Variants in CNTNAP2 observed in about 807,000 individuals in gnomAD.
The protein encoded by CNTNAP2 is contactin associated protein 2.
A neutral mutation model predicts 155.2 loss-of-function variants in CNTNAP2; 98 were observed. The ratio of observed to expected loss-of-function variants is 0.63; its 90% confidence interval spans 0.54 to 0.75. CNTNAP2 has a LOEUF of 0.75. CNTNAP2 is among the 30% of genes least tolerant of loss of function. The pLI is 0.00. For synonymous variants in CNTNAP2, 651 were observed against 631.2 expected, an observed-to-expected ratio of 1.03 and a Z score of -0.47; for missense variants, 1,727 against 1,688.1, an observed-to-expected ratio of 1.02 and a Z score of -0.40.
At chr7:146,982,421 A>G (rs1798035785) in intron 3 of CNTNAP2, among the ~76,000 whole-genome samples, 1 of 152,192 alleles carries the variant, frequency 6.6e-6, no homozygotes, top group Non-Finnish European at 1.5e-5. Flanking sequence ...ATGAAGCTAT[A>G]GGAAATTATC....
At chr7:148,301,292 T>TAAAAAAAAA (rs1191956788) in intron 21 of CNTNAP2, among the ~76,000 whole-genome samples, 1 of 118,782 alleles carries the variant, frequency 8.4e-6, no homozygotes, top group African/African-American at 3.5e-5. Flanking sequence ...AGACTCCGTC[T>TAAAAAAAAA]AAAAAAAAAA....
intron 14 of CNTNAP2, among the ~76,000 whole-genome samples, chr7:147,976,665 A>G (rs1212833088): frequency 6.6e-6 from 1 of 152,188 alleles, no homozygotes; most frequent in Non-Finnish European, 1.5e-5. Flanking sequence ...TGAGGAAACA[A>G]ATATTCACTG....
In CNTNAP2 at chr7:147,039,588, G is replaced by T. The variant is rs747457569; in HGVS notation, c.403-4319G>T. On this transcript the variant is annotated intron_variant, in intron 3 of 23. Transcript: ENST00000361727. ...TAGCACATTTTCTTCATCCAATCTGGGTTGATTCTATGCCTTTGCTATTGT... is the reference window on the plus strand; with the variant it reads ...TAGCACATTTTCTTCATCCAATCTGTGTTGATTCTATGCCTTTGCTATTGT... Among the ~76,000 whole-genome samples, 3 of 152,028 alleles carry T rather than the reference G, an allele frequency of 2.0e-5. No homozygotes were observed. The East Asian group carries it at 5.8e-4, about 29-fold the overall frequency.
At chr7:148,078,632 C>A (rs919329836) in intron 15 of CNTNAP2, among the ~76,000 whole-genome samples, 1 of 152,052 alleles carries the variant, frequency 6.6e-6, no homozygotes, top group African/African-American at 2.4e-5. Flanking sequence ...AGGTGCCCAC[C>A]ACCATGCCCA....
At chr7:148,321,329 G>T (rs1022001687) in intron 21 of CNTNAP2, among the ~76,000 whole-genome samples, 1 of 152,176 alleles carries the variant, frequency 6.6e-6, no homozygotes, top group Non-Finnish European at 1.5e-5. Context: ...CTTCAAAGCA[G>T]CAGGGAAAGG....
intron 9 of CNTNAP2, among the ~76,000 whole-genome samples, chr7:147,372,252 A>T (rs746092791): frequency 1.3e-5 from 2 of 152,138 alleles, no homozygotes; most frequent in Non-Finnish European, 2.9e-5. Flanking sequence ...GGATGCTGAC[A>T]AAGTGAGTCT....
intron 8 of CNTNAP2, among the ~76,000 whole-genome samples, chr7:147,273,002 A>G (rs981837873): frequency 6.6e-6 from 1 of 152,024 alleles, no homozygotes; most frequent in Non-Finnish European, 1.5e-5. Context: ...GTTTTTAGCT[A>G]TTCTTCTTTT....
intron 1 of CNTNAP2, among the ~76,000 whole-genome samples, chr7:146,762,983 T>C (rs987186005): frequency 6.6e-6 from 1 of 152,108 alleles, no homozygotes; most frequent in Non-Finnish European, 1.5e-5. Context: ...GGGACACTGC[T>C]AAACCATATC....
At chr7:146,131,457 A>C (rs949204780) in intron 1 of CNTNAP2, among the ~76,000 whole-genome samples, 1 of 152,214 alleles carries the variant, frequency 6.6e-6, no homozygotes, top group Admixed American at 6.5e-5. Context: ...ATAAGCTGCC[A>C]ACAAGTCCAA....
chr7:147,769,372 T>G (rs961529296), intron 13 of CNTNAP2, among the ~76,000 whole-genome samples: 3 of 151,992 alleles, frequency 2.0e-5, no homozygotes, highest in Non-Finnish European at 4.4e-5. Flanking sequence ...GCAAGGTGTC[T>G]GGAATAACTT....
At chr7:147,344,271 T>G (rs1004391550) in intron 9 of CNTNAP2, among the ~76,000 whole-genome samples, 2 of 152,172 alleles carry the variant, frequency 1.3e-5, no homozygotes, top group Admixed American at 1.3e-4. Context: ...GCTCTGTTAT[T>G]TTAGCAAAAG....
At chr7:146,857,712 A>T (rs1169217911) in intron 3 of CNTNAP2, among the ~76,000 whole-genome samples, 1 of 152,064 alleles carries the variant, frequency 6.6e-6, no homozygotes, top group Admixed American at 6.5e-5. Flanking sequence ...AGCACGTGGA[A>T]TATAAGAAAA....
At chr7:146,599,743 G>GAT (rs1798918842) in intron 1 of CNTNAP2, among the ~76,000 whole-genome samples, 15 of 145,594 alleles carry the variant, frequency 1.0e-4, no homozygotes, top group Non-Finnish European at 1.9e-4. Flanking sequence ...ACGACAGACA[G>GAT]AGATAGATAG....
At chr7:148,025,858 G>A (rs1206467382) in intron 15 of CNTNAP2, among the ~76,000 whole-genome samples, 1 of 152,184 alleles carries the variant, frequency 6.6e-6, no homozygotes, top group African/African-American at 2.4e-5. Flanking sequence ...TTCATAAAGA[G>A]ATGTTTGAAA....
intron 14 of CNTNAP2, among the ~76,000 whole-genome samples, chr7:147,912,167 C>T (rs1450980122): frequency 1.3e-5 from 2 of 152,280 alleles, no homozygotes; most frequent in East Asian, 3.9e-4. Flanking sequence ...TCACAGCTAC[C>T]TCACATGGTA....
intron 13 of CNTNAP2, among the ~76,000 whole-genome samples, chr7:147,718,084 A>G (rs1175815813): frequency 6.6e-6 from 1 of 152,252 alleles, no homozygotes; most frequent in Admixed American, 6.5e-5. Context: ...ATTGCTTGAT[A>G]TAGTATCTGA....
intron 12 of CNTNAP2, among the ~76,000 whole-genome samples, chr7:147,577,221 G>A (rs537150124): frequency 1.3e-3 from 198 of 152,110 alleles, no homozygotes; most frequent in Middle Eastern, 6.8e-3. Context: ...CGTCACTGCT[G>A]CTACTTACTA....
At chr7:146,164,881 TG>T (rs774547788) in intron 1 of CNTNAP2, among the ~76,000 whole-genome samples, 10 of 152,194 alleles carry the variant, frequency 6.6e-5, no homozygotes, top group Non-Finnish European at 1.5e-4. Context: ...ATCTTTCAGG[TG>T]GGACCAGTCT....
intron 15 of CNTNAP2, among the ~76,000 whole-genome samples, chr7:148,106,229 T>C (rs1326101690): frequency 6.6e-6 from 1 of 152,116 alleles, no homozygotes; most frequent in Non-Finnish European, 1.5e-5. Context: ...TAGAGTTAGA[T>C]CTCTACTATG....
Sources: gnomAD v4.1 joint callset for allele counts (sites outside exome capture counted in the v4.1 genomes callset) on GRCh38, gnomAD v4.1.1 for gene constraint, MANE v1.5 for transcripts, NCBI Gene and HGNC (gene_info 2026-07-23, HGNC 2026-07-21) for gene names.